The following EIF2B3 variants were observed in gnomAD, a reference collection of about 807,000 sequenced individuals.
EIF2B3 encodes translation initiation factor eIF2B subunit gamma.
EIF2B3 carries 20 observed loss-of-function variants against 54.1 expected under a neutral mutation model. That is an observed-to-expected ratio of 0.37 (90% CI 0.26 to 0.54). The LOEUF (loss-of-function observed/expected upper bound fraction) is 0.54. Among genes scored for constraint, EIF2B3 ranks in the 20% least tolerant of loss-of-function variants. The pLI is 0.86. For missense variants in EIF2B3, 448 were observed against 547.8 expected (o/e 0.82, Z 1.82); for synonymous variants, 153 against 188.1 (o/e 0.81, Z 1.52).
chr1:44,914,408 A>G (rs1435323463), intron 5 of EIF2B3, among the ~76,000 whole-genome samples: 4 of 151,976 alleles, frequency 2.6e-5, no homozygotes, highest in Non-Finnish European at 5.9e-5. Flanking sequence ...TGATCCGTCC[A>G]CCTCGGCCTC....
At chr1:44,978,941 C>G (rs1176488012) in intron 2 of EIF2B3, among the ~76,000 whole-genome samples, 1 of 151,746 alleles carries the variant, frequency 6.6e-6, no homozygotes, top group Non-Finnish European at 1.5e-5. Context: ...CTGGCCTCCC[C>G]CCAATTAATT....
chr1:44,979,324 C>T (rs264025), intron 2 of EIF2B3, among the ~76,000 whole-genome samples: 46,805 of 150,602 alleles, frequency 0.31, 8,119 homozygotes, highest in African/African-American at 0.45. Context: ...TATGCCACTT[C>T]TCCTTGATAT....
chr1:44,884,651 T>C (rs1655518684), intron 6 of EIF2B3, among the ~76,000 whole-genome samples: 1 of 152,240 alleles, frequency 6.6e-6, no homozygotes, highest in Admixed American at 6.5e-5. Flanking sequence ...TTAGCTCTTT[T>C]TCTCCCCTTT....
chr1:44,881,771 C>G lies in EIF2B3; in HGVS notation c.657-32G>C. ...AGAAAGAATGGCCAAATATGAGAAACCTGACTGTCTGGAACATACCCGGAT... is the reference window on the plus strand; with the variant it reads ...AGAAAGAATGGCCAAATATGAGAAAGCTGACTGTCTGGAACATACCCGGAT... On this transcript the variant is annotated intron_variant, in intron 6 of 11. Coordinates refer to ENST00000360403, the MANE Select transcript of EIF2B3 (RefSeq NM_020365.5). The surrounding 1 kb of genome is among the most constrained non-coding windows in gnomAD (Gnocchi z 4.0). The G allele has an allele frequency of 6.2e-7, 1 of 1,612,736 alleles. No individual in the cohort carries two copies. The highest frequency in any genetic ancestry group is 2.2e-5 in the East Asian group (1 of 44,830).
At position 44,897,412 on chromosome 1, in the gene EIF2B3, A is replaced by C. The variant is rs765291246; in HGVS notation, c.599T>G (p.Val200Gly). ...HPRIRFHTGL[V>G]DAHLYCLKKY... is the part of the protein sequence containing the mutation. The stretch of plus-strand genomic sequence containing the variant: ...TTTCAAACAGTAGAGGTGGGCATCC[A>C]CAAGACCCGTGTGGAAACGTATTCT... The change falls in exon 6 of 12, where the codon GTG (valine) becomes GGG (glycine). Residue 200 changes from valine (V) to glycine (G), a missense_variant. Around this residue, in one of 3 missense-constraint regions of EIF2B3, gnomAD observed 350 missense variants for 414.2 expected, o/e 0.85. Transcript: ENST00000360403. The C allele has an allele frequency of 6.2e-7, 1 of 1,613,598 alleles. No homozygotes were observed. Among genetic ancestry groups the C allele is most frequent in the Non-Finnish European group, 8.5e-7 (1 of 1,179,872 alleles).
At chr1:44,909,949 T>C (rs1643480693) in intron 5 of EIF2B3, among the ~76,000 whole-genome samples, 2 of 152,232 alleles carry the variant, frequency 1.3e-5, no homozygotes, top group African/African-American at 4.8e-5. Flanking sequence ...AGGTCTTGAC[T>C]GAAGTCCTTG....
In EIF2B3 at chr1:44,892,448, T is replaced by G. The variant is rs147957843; in HGVS notation, c.656+4907A>C. 1.6e-3 allele frequency among the ~76,000 whole-genome samples: 238 copies of G among 152,020 alleles called. 2 individuals are homozygous for G. The highest frequency in any genetic ancestry group is 5.6e-3 in the African/African-American group (233 of 41,476). ...TAAGAAAATTAGCCAGTCATGGTGG[T>G]GAGTGCCTGTAGTCCCAGTTACTCG... is the stretch of plus-strand genomic sequence containing the variant. On this transcript the variant is annotated intron_variant, in intron 6 of 11. Transcript: ENST00000360403.
chr1:44,922,912 C>T (rs1335376403), intron 5 of EIF2B3, among the ~76,000 whole-genome samples: 1 of 126,306 alleles, frequency 7.9e-6, no homozygotes, highest in South Asian at 2.8e-4. Flanking sequence ...GCGGCACCAT[C>T]TCGGCTCGCT....
rs1327010293 is a variant in EIF2B3 at position 44,881,017 on chromosome 1, T to G, written c.784+595A>C. ...TAGTAAGAGGCAGTCAGATTTCAAA[T>G]CCAGAACTGTCTGATGCCCAGTTCT... On this transcript the variant is annotated intron_variant, in intron 7 of 11. Coordinates refer to ENST00000360403, the MANE Select transcript of EIF2B3 (RefSeq NM_020365.5). The surrounding 1 kb of genome is among the most constrained non-coding windows in gnomAD (Gnocchi z 4.0). Among the ~76,000 whole-genome samples, 1 of 152,010 alleles carries G rather than the reference T, an allele frequency of 6.6e-6. No individual in the cohort carries two copies. Among genetic ancestry groups the G allele is most frequent in the Non-Finnish European group, 1.5e-5 (1 of 67,976 alleles).
At chr1:44,923,607 T>C (rs1193604094) in intron 5 of EIF2B3, among the ~76,000 whole-genome samples, 5 of 151,746 alleles carry the variant, frequency 3.3e-5, no homozygotes, top group Non-Finnish European at 7.4e-5. Context: ...CAGTTCCTTT[T>C]ATCCTCAGAA....
intron 5 of EIF2B3, among the ~76,000 whole-genome samples, chr1:44,917,910 A>T (rs967130859): frequency 6.7e-6 from 1 of 149,582 alleles, no homozygotes; most frequent in African/African-American, 2.5e-5. Flanking sequence ...AGTAGCTGGG[A>T]CTACAGGCGC....
chr1:44,873,704 G>A (rs1215018206), intron 10 of EIF2B3, among the ~76,000 whole-genome samples: 1 of 151,432 alleles, frequency 6.6e-6, no homozygotes, highest in South Asian at 2.1e-4. Flanking sequence ...GCAGTGGTGC[G>A]ATCTCAGCTC....
chr1:44,920,038 CTTT>C (rs111287818), intron 5 of EIF2B3, among the ~76,000 whole-genome samples: 1 of 137,792 alleles, frequency 7.3e-6, no homozygotes. Context: ...CTTTTTCTTT[CTTT>C]TTTTTTTTTT....
chr1:44,892,185 C>T (rs16832309), intron 6 of EIF2B3, among the ~76,000 whole-genome samples: 5,904 of 152,282 alleles, frequency 0.039, 361 homozygotes, highest in East Asian at 0.16. Flanking sequence ...TATTAACTAG[C>T]ATCTTGTGCT....
chr1:44,915,815 A>G (rs1643612698), intron 5 of EIF2B3, among the ~76,000 whole-genome samples: 1 of 152,170 alleles, frequency 6.6e-6, no homozygotes, highest in Non-Finnish European at 1.5e-5. Flanking sequence ...TATTTAACAA[A>G]AGAAAAAAGA....
At chr1:44,944,749 C>A (rs1341152686) in intron 3 of EIF2B3, among the ~76,000 whole-genome samples, 3 of 152,048 alleles carry the variant, frequency 2.0e-5, no homozygotes, top group African/African-American at 7.2e-5. Context: ...TTGCTTAAAC[C>A]TCAGAGGAGT....
At chr1:44,939,045 C>T (rs535096727) in intron 4 of EIF2B3, among the ~76,000 whole-genome samples, 2 of 138,320 alleles carry the variant, frequency 1.4e-5, no homozygotes, top group African/African-American at 2.7e-5. Flanking sequence ...AGGTTTGCAG[C>T]GAGCCAAGAT....
intron 6 of EIF2B3, among the ~76,000 whole-genome samples, chr1:44,886,348 G>A (rs1450451306): frequency 1.3e-5 from 2 of 152,168 alleles, no homozygotes; most frequent in Non-Finnish European, 2.9e-5. Flanking sequence ...CCAAAGTGCT[G>A]GGATTACAGG....
chr1:44,944,707 T>A (rs1003710746), intron 3 of EIF2B3, among the ~76,000 whole-genome samples: 5 of 152,006 alleles, frequency 3.3e-5, no homozygotes, highest in African/African-American at 1.2e-4. Context: ...GCACTTATAG[T>A]CCCAGCTACT....
Sources: gnomAD v4.1 joint callset for allele counts (sites outside exome capture counted in the v4.1 genomes callset) on GRCh38, gnomAD v4.1.1 for gene constraint, gnomAD v4.1.1 regional missense constraint, Gnocchi (gnomAD v3.1) non-coding constraint, MANE v1.5 for transcripts, NCBI Gene and HGNC (gene_info 2026-07-23, HGNC 2026-07-21) for gene names.